RIMS2: variants seen among roughly 807,000 people sequenced by gnomAD.
RIMS2 encodes regulating synaptic membrane exocytosis protein 2.
In RIMS2, 59 loss-of-function variants were observed where a neutral mutation model predicts 174.4. That is an observed-to-expected ratio of 0.34 (90% CI 0.27 to 0.42). The LOEUF (loss-of-function observed/expected upper bound fraction) is 0.42, where lower values mean the gene tolerates loss of function less well. RIMS2 is among the 10% of genes least tolerant of loss of function. RIMS2 has a pLI of 1.00. For synonymous variants in RIMS2, 606 were observed against 572.5 expected, an observed-to-expected ratio of 1.06 and a Z score of -0.84; for missense variants, 1,620 against 1,666.3, an observed-to-expected ratio of 0.97 and a Z score of 0.48.
At chr8:104,084,148 AAACT>A (rs1381922319) in intron 19 of RIMS2, among the ~76,000 whole-genome samples, 1 of 152,082 alleles carries the variant, frequency 6.6e-6, no homozygotes, top group Non-Finnish European at 1.5e-5. Context: ...ATAATTATAA[AAACT>A]AACTGTGACC....
At chr8:103,590,468 A>G (rs1223304858) in intron 1 of RIMS2, among the ~76,000 whole-genome samples, 1 of 151,292 alleles carries the variant, frequency 6.6e-6, no homozygotes. Flanking sequence ...GTGAAACTCT[A>G]CTATTGCACA....
intron 1 of RIMS2, among the ~76,000 whole-genome samples, chr8:103,593,880 T>C (rs1056791524): frequency 3.3e-5 from 5 of 151,286 alleles, no homozygotes; most frequent in African/African-American, 7.3e-5. Flanking sequence ...TATATATAAC[T>C]TATTAAACAA....
chr8:103,813,070 A>G (rs2098698735), intron 3 of RIMS2, among the ~76,000 whole-genome samples: 2 of 152,170 alleles, frequency 1.3e-5, no homozygotes, highest in South Asian at 4.1e-4. Context: ...GATGATACAT[A>G]TTGTGTATCT....
chr8:103,983,088 C>CT (rs2154549459), intron 16 of RIMS2, among the ~76,000 whole-genome samples: 1 of 152,248 alleles, frequency 6.6e-6, no homozygotes, highest in East Asian at 1.9e-4. Context: ...AGTAGCATTT[C>CT]TATATGGCAA....
At position 103,575,685 on chromosome 8, in the gene RIMS2, C is replaced by CAT. The variant is rs917263576; in HGVS notation, c.176+74637_176+74638dup. Among the ~76,000 whole-genome samples the CAT allele has an allele frequency of 4.5e-3, 656 of 145,280 alleles. 32 individuals carry two copies. The East Asian group carries it at 0.1, about 22-fold the overall frequency. On this transcript the variant is annotated intron_variant, in intron 1 of 23. Coordinates refer to ENST00000504942, the Ensembl canonical transcript of RIMS2. ...AAACACACACATACACACACACACA[C>CAT]ATATATATATATATACACATACAGC...
intron 1 of RIMS2, among the ~76,000 whole-genome samples, chr8:103,638,685 C>T (rs1211259041): frequency 6.6e-6 from 1 of 151,888 alleles, no homozygotes; most frequent in Non-Finnish European, 1.5e-5. Flanking sequence ...TCTAGGTTAA[C>T]TTTGTATTTT....
intron 2 of RIMS2, among the ~76,000 whole-genome samples, chr8:103,710,978 G>A (rs1235212882): frequency 6.6e-6 from 1 of 152,154 alleles, no homozygotes; most frequent in Non-Finnish European, 1.5e-5. Context: ...CAGTAGTCTT[G>A]AAAGTGAGAT....
intron 3 of RIMS2, among the ~76,000 whole-genome samples, chr8:103,872,985 C>T (rs539336839): frequency 1.3e-5 from 2 of 152,132 alleles, no homozygotes; most frequent in African/African-American, 2.4e-5. Context: ...GCTATTAATT[C>T]TTACTGCTAT....
intron 2 of RIMS2, among the ~76,000 whole-genome samples, chr8:103,738,990 A>T (rs1286700016): frequency 6.6e-6 from 1 of 152,218 alleles, no homozygotes. Context: ...AAGGATCTAG[A>T]ACTAGAAATA....
chr8:103,922,907 C>A (rs1332408457), intron 10 of RIMS2, among the ~76,000 whole-genome samples: 1 of 151,712 alleles, frequency 6.6e-6, no homozygotes, highest in East Asian at 1.9e-4. Flanking sequence ...ATAAAGGTGA[C>A]AATAACAGAA....
intron 2 of RIMS2, among the ~76,000 whole-genome samples, chr8:103,730,656 T>A (rs1338043219): frequency 6.6e-6 from 1 of 152,238 alleles, no homozygotes; most frequent in African/African-American, 2.4e-5. Context: ...TGTGTTTTTC[T>A]ATGTAGTTAC....
chr8:104,158,504 A>C (rs1305460416), intron 19 of RIMS2, among the ~76,000 whole-genome samples: 1 of 151,996 alleles, frequency 6.6e-6, no homozygotes, highest in Non-Finnish European at 1.5e-5. Flanking sequence ...ACTAATTTAC[A>C]CTCCTACCAA....
At chr8:103,942,743 A>G (rs760326260) in intron 13 of RIMS2, 30 bp from the exon 16 acceptor site, 1 of 1,542,462 alleles carries the variant, frequency 6.5e-7, no homozygotes, top group Non-Finnish European at 8.9e-7. Flanking sequence ...TTGGTATATT[A>G]TAACCGTCCT....
chr8:103,704,336 A>G (rs1471662317), intron 2 of RIMS2, among the ~76,000 whole-genome samples: 1 of 151,512 alleles, frequency 6.6e-6, no homozygotes, highest in Admixed American at 6.6e-5. Flanking sequence ...TGATCTTTAT[A>G]ATGTTTTATT....
chr8:103,927,603 T>C (rs902014239), intron 10 of RIMS2, among the ~76,000 whole-genome samples: 1 of 151,550 alleles, frequency 6.6e-6, no homozygotes, highest in Non-Finnish European at 1.5e-5. Context: ...GTGAACTACA[T>C]TTGAAAAATT....
intron 3 of RIMS2, among the ~76,000 whole-genome samples, chr8:103,882,042 G>A (rs985210541): frequency 2.0e-5 from 3 of 151,462 alleles, no homozygotes; most frequent in Non-Finnish European, 4.4e-5. Flanking sequence ...GAAGGATTAA[G>A]TGAAATGTAA....
At chr8:104,244,740 C>T (rs1334913869) in intron 19 of RIMS2, among the ~76,000 whole-genome samples, 176 bp from the exon 26 acceptor site, 1 of 152,074 alleles carries the variant, frequency 6.6e-6, no homozygotes, top group Non-Finnish European at 1.5e-5. Context: ...AATCTTCATC[C>T]CACTCAACAT....
chr8:103,729,808 G>T (rs916961629), intron 2 of RIMS2, among the ~76,000 whole-genome samples: 1 of 152,090 alleles, frequency 6.6e-6, no homozygotes, highest in Admixed American at 6.6e-5. Flanking sequence ...TGGCCTACAA[G>T]TCACTCAGGA....
At chr8:103,519,148 G>C (rs1830442620) in intron 1 of RIMS2, among the ~76,000 whole-genome samples, 1 of 151,972 alleles carries the variant, frequency 6.6e-6, no homozygotes, top group Non-Finnish European at 1.5e-5. Context: ...TTTCATAAGG[G>C]AGATATGTAT....
Sources: allele counts gnomAD v4.1 joint callset (sites outside exome capture counted in the v4.1 genomes callset), GRCh38; gene constraint gnomAD v4.1.1; transcripts MANE v1.5; gene names NCBI Gene and HGNC (gene_info 2026-07-23, HGNC 2026-07-21).